The following PCDH11X variants were observed in gnomAD, a reference collection of about 807,000 sequenced individuals.
PCDH11X encodes the protein protocadherin-11 X-linked.
PCDH11X carries 18 observed loss-of-function variants against 53.3 expected under a neutral mutation model. That is an observed-to-expected ratio of 0.34 (90% confidence interval 0.23 to 0.50). The LOEUF (loss-of-function observed/expected upper bound fraction) is 0.50, where lower values mean the gene tolerates loss of function less well. PCDH11X is among the 20% of genes least tolerant of loss of function. The pLI is 0.98. For synonymous variants in PCDH11X, 279 were observed against 393.3 expected, an observed-to-expected ratio of 0.71 and a Z score of 3.44; for missense variants, 570 against 1,032.4, an observed-to-expected ratio of 0.55 and a Z score of 6.14.
At chrX:92,441,964 C>T (rs1455136449) in intron 9 of PCDH11X, among the ~76,000 whole-genome samples, 3 of 110,370 alleles carry the variant, frequency 2.7e-5, no homozygotes, top group Admixed American at 9.6e-5. Context: ...TGGGAACTAC[C>T]TCTTGCATCA....
At chrX:92,396,048 A>C (rs1393172555) in intron 9 of PCDH11X, among the ~76,000 whole-genome samples, 7 of 106,257 alleles carry the variant, frequency 6.6e-5, no homozygotes, top group Non-Finnish European at 1.2e-4. Context: ...TAACCAGTGA[A>C]AGTACTGCAG....
At chrX:92,450,508 C>A in intron 9 of PCDH11X, among the ~76,000 whole-genome samples, 1 of 105,933 alleles carries the variant, frequency 9.4e-6, no homozygotes, top group South Asian at 4.2e-4. Context: ...TACACTCTAC[C>A]AATATTACAT....
chrX:92,324,291 T>C (rs1420794951), intron 8 of PCDH11X, among the ~76,000 whole-genome samples: 2 of 111,626 alleles, frequency 1.8e-5, no homozygotes, highest in Non-Finnish European at 3.8e-5. Flanking sequence ...GGAATCATGG[T>C]CTTCTGTGTA....
chrX:92,386,660 T>C (rs964476493), intron 8 of PCDH11X, among the ~76,000 whole-genome samples: 2 of 109,340 alleles, frequency 1.8e-5, no homozygotes, highest in Non-Finnish European at 3.8e-5. Flanking sequence ...GGATTCTTCA[T>C]GTACATATCC....
intron 6 of PCDH11X, among the ~76,000 whole-genome samples, chrX:91,907,697 T>C (rs975369359): frequency 7.4e-5 from 8 of 107,434 alleles, no homozygotes; most frequent in Non-Finnish European, 1.3e-4. Context: ...ACTTGTGTCA[T>C]GGGGGTTTGT....
At chrX:92,276,372 G>T (rs1050570711) in intron 8 of PCDH11X, among the ~76,000 whole-genome samples, 3 of 109,177 alleles carry the variant, frequency 2.7e-5, no homozygotes, top group Non-Finnish European at 5.7e-5. Context: ...AGAGCCTTGG[G>T]CCAGAGTTCC....
At chrX:91,982,385 G>A (rs2062153343) in intron 6 of PCDH11X, among the ~76,000 whole-genome samples, 1 of 109,988 alleles carries the variant, frequency 9.1e-6, no homozygotes, top group African/African-American at 3.3e-5. Context: ...TCCACTTGCA[G>A]CCATTTCTAG....
intron 6 of PCDH11X, among the ~76,000 whole-genome samples, chrX:92,028,612 C>G (rs5984851): frequency 0.21 from 15,207 of 72,438 alleles, 2,061 homozygotes; most frequent in African/African-American, 0.39. Flanking sequence ...TTACAGTGGT[C>G]TACAAGGCCC....
At chrX:92,454,001 G>A (rs1468081137) in intron 9 of PCDH11X, among the ~76,000 whole-genome samples, 9 of 102,908 alleles carry the variant, frequency 8.7e-5, no homozygotes, top group African/African-American at 3.2e-4. Context: ...ATCACTTATA[G>A]AAAAATGTCA....
intron 7 of PCDH11X, among the ~76,000 whole-genome samples, chrX:92,211,257 T>A (rs1192749686): frequency 9.0e-6 from 1 of 111,404 alleles, no homozygotes; most frequent in African/African-American, 3.3e-5. Context: ...AGCCAGCACA[T>A]CTTCACATGG....
chrX:92,274,078 GTT>G (rs1195071973), intron 8 of PCDH11X, among the ~76,000 whole-genome samples: 3 of 106,121 alleles, frequency 2.8e-5, no homozygotes, highest in African/African-American at 1.1e-4. Context: ...GGGATGACAA[GTT>G]TTTTTGGGGC....
chrX:92,387,276 A>G (rs1424083733), intron 8 of PCDH11X, among the ~76,000 whole-genome samples: 1 of 112,007 alleles, frequency 8.9e-6, no homozygotes, highest in Non-Finnish European at 1.9e-5. Flanking sequence ...CTAAGCCTAC[A>G]TGATTGAATA....
At chrX:91,792,333 A>G (rs1379698144) in intron 1 of PCDH11X, among the ~76,000 whole-genome samples, 1 of 111,860 alleles carries the variant, frequency 8.9e-6, no homozygotes, top group Admixed American at 9.5e-5. Context: ...AAACAAAATA[A>G]TGATGTCAGA....
At chrX:92,449,017 T>A (rs2072720605) in intron 9 of PCDH11X, among the ~76,000 whole-genome samples, 1 of 112,108 alleles carries the variant, frequency 8.9e-6, no homozygotes, top group African/African-American at 3.2e-5. Flanking sequence ...ATAGGACTTT[T>A]CTAAAGTCCT....
intron 6 of PCDH11X, among the ~76,000 whole-genome samples, chrX:92,111,586 T>G (rs2064514517): frequency 9.0e-6 from 1 of 110,712 alleles, no homozygotes; most frequent in African/African-American, 3.3e-5. Flanking sequence ...CAGTTTCCTT[T>G]AGTCACAACA....
At chrX:92,288,751 T>A (rs1472721071) in intron 8 of PCDH11X, among the ~76,000 whole-genome samples, 1 of 110,697 alleles carries the variant, frequency 9.0e-6, no homozygotes, top group Non-Finnish European at 1.9e-5. Flanking sequence ...TAGATTTTAA[T>A]CTTGATGTGG....
intron 5 of PCDH11X, among the ~76,000 whole-genome samples, chrX:91,846,487 G>A (rs1202049251): frequency 9.1e-6 from 1 of 109,296 alleles, no homozygotes; most frequent in Non-Finnish European, 1.9e-5. Context: ...GCGTGGTCGC[G>A]GGCTCCTGTA....
chrX:91,986,946 T>C (rs2062237025), intron 6 of PCDH11X, among the ~76,000 whole-genome samples: 1 of 110,775 alleles, frequency 9.0e-6, no homozygotes, highest in Admixed American at 9.6e-5. Context: ...CTCAGCTGTC[T>C]AAAAGTTTGC....
intron 6 of PCDH11X, among the ~76,000 whole-genome samples, chrX:92,154,394 G>C (rs1203199076): frequency 2.7e-5 from 3 of 109,633 alleles, no homozygotes; most frequent in Non-Finnish European, 5.6e-5. Flanking sequence ...AATTTTGTCA[G>C]TTTTTCTGGG....
Sources: gnomAD v4.1 joint callset for allele counts (sites outside exome capture counted in the v4.1 genomes callset) on GRCh38, gnomAD v4.1.1 for gene constraint, MANE v1.5 for transcripts, NCBI Gene and HGNC (gene_info 2026-07-23, HGNC 2026-07-21) for gene names.